Variants in MTRF1 observed in about 807,000 individuals in gnomAD.
MTRF1 encodes the protein peptide chain release factor 1, mitochondrial.
Under a neutral mutation model 62.9 loss-of-function variants are expected in MTRF1, and 51 were observed. That is an observed-to-expected ratio of 0.81 (90% CI 0.65 to 1.02). The LOEUF (loss-of-function observed/expected upper bound fraction) is 1.02. Ranked by LOEUF, MTRF1 falls within the 50% of genes least tolerant of loss-of-function variation. The probability of loss-of-function intolerance (pLI) is 0.00; values close to 1 mark genes in which losing one functional copy is unlikely to be tolerated. For missense variants in MTRF1, 446 were observed against 530.0 expected (o/e 0.84, Z 1.56); for synonymous variants, 158 against 181.9 (o/e 0.87, Z 1.06).
the MTRF1 span, among the ~76,000 whole-genome samples, chr13:41,284,389 A>T: frequency 6.6e-6 from 1 of 151,602 alleles, no homozygotes; most frequent in Non-Finnish European, 1.5e-5. Flanking sequence ...AGGCTCAGGC[A>T]GGAGAATCAC....
At chr13:41,266,308 C>T (rs1409782601), upstream of MTRF1, among the ~76,000 whole-genome samples, 1 of 152,058 alleles carries the variant, frequency 6.6e-6, no homozygotes, top group African/African-American at 2.4e-5. Context: ...CTATGCAGAA[C>T]AACTTAGACA....
chr13:41,260,579 T>C lies in MTRF1; in HGVS notation c.329A>G (p.His110Arg), dbSNP rs753374144. 1 of 1,614,202 alleles carries C rather than the reference T, an allele frequency of 6.2e-7. No homozygotes were observed. Among genetic ancestry groups the C allele is most frequent in the South Asian group, 1.1e-5 (1 of 91,076 alleles). ...GGCTGCAAGAGGTGCCAACTCAGCA[T>C]GCCTTCTGTTCAAGGACCTTCGGTT... ...EENRRSLNRR[H>R]AELAPLAAIY... Residue 110 changes from histidine (H) to arginine (R), a missense_variant, in exon 2 of 10, where the codon CAT (histidine) becomes CGT (arginine). His to Arg is a conservative substitution (Grantham distance 29). Transcript: ENST00000379480.
chr13:41,259,714 A>C (rs1399764684), intron 2 of MTRF1, among the ~76,000 whole-genome samples: 2 of 150,324 alleles, frequency 1.3e-5, no homozygotes, highest in Non-Finnish European at 3.0e-5. Flanking sequence ...AAAAAAAAAA[A>C]AAAAAAACAT....
the MTRF1 span, chr13:41,311,541 C>CTGA: frequency 6.2e-7 from 1 of 1,606,862 alleles, no homozygotes; most frequent in Non-Finnish European, 8.5e-7. Flanking sequence ...GCCGAACGTG[C>CTGA]TGCTGCCGCC....
rs1324402559 is a variant in MTRF1, at chr13:41,251,175, T to A, written c.697+1470A>T. Among the ~76,000 whole-genome samples, 6 of 152,264 alleles carry A rather than the reference T, an allele frequency of 3.9e-5. No individual in the cohort carries two copies. The East Asian group carries it at 1.2e-3, about 29-fold the overall frequency. On this transcript the variant is annotated intron_variant, in intron 5 of 9. Coordinates refer to ENST00000379480, the MANE Select transcript of MTRF1 (RefSeq NM_004294.4). ...ACAGCCCCTCTCACATCTAGTTACT[T>A]AGCAAATTATGCCTATTCATCCTTT...
At chr13:41,222,339 T>C (rs1355728177) in intron 9 of MTRF1, among the ~76,000 whole-genome samples, 1 of 152,226 alleles carries the variant, frequency 6.6e-6, no homozygotes, top group African/African-American at 2.4e-5. Flanking sequence ...TCAAACAATC[T>C]TGACCGAGTC....
chr13:41,305,453 AACAG>A, the MTRF1 span, among the ~76,000 whole-genome samples: 1 of 152,290 alleles, frequency 6.6e-6, no homozygotes, highest in African/African-American at 2.4e-5. Flanking sequence ...TAAACAAACA[AACAG>A]ACAAACAAAA....
intron 2 of MTRF1, among the ~76,000 whole-genome samples, chr13:41,258,575 C>CAAAAAAAAAAAAAAAAAA (rs11320576): frequency 7.5e-6 from 1 of 133,116 alleles, no homozygotes; most frequent in East Asian, 2.2e-4. Flanking sequence ...AAAAAAAAAA[C>CAAAAAAAAAAAAAAAAAA]AAAAAAAAAA....
At chr13:41,267,630 GA>G (rs2040855531), upstream of MTRF1, among the ~76,000 whole-genome samples, 1 of 152,140 alleles carries the variant, frequency 6.6e-6, no homozygotes, top group African/African-American at 2.4e-5. Flanking sequence ...GCACTTTAGG[GA>G]GCCAAGGTGG....
chr13:41,308,450 A>C, the MTRF1 span, among the ~76,000 whole-genome samples: 1 of 152,208 alleles, frequency 6.6e-6, no homozygotes, highest in Admixed American at 6.5e-5. Flanking sequence ...GACAATGTAG[A>C]TAAATTGGGA....
chr13:41,227,832 T>A (rs916646195), intron 7 of MTRF1, among the ~76,000 whole-genome samples: 2 of 152,230 alleles, frequency 1.3e-5, no homozygotes, highest in African/African-American at 4.8e-5. Context: ...ATACTTTTAG[T>A]AGGGCACTGA....
In MTRF1 at chr13:41,240,287, C is replaced by T; in HGVS notation, c.844G>A (p.Val282Ile). ...TCATCTGGCTGAGGAAGGACAATAA[C>T]CGACATCGTTCCTGTGTGAATGCGC... Reference protein sequence around the residue: ...MQRIHTGTMSVIVLPQPDEVD... With the variant: ...MQRIHTGTMSIIVLPQPDEVD... Residue 282 changes from valine to isoleucine, a missense_variant, in exon 6 of 10, where the codon GTT becomes ATT. Val to Ile is a conservative substitution (Grantham distance 29). Coordinates refer to ENST00000379480, the MANE Select transcript of MTRF1 (RefSeq NM_004294.4). 1 of 1,610,488 alleles carries T rather than the reference C, an allele frequency of 6.2e-7. No homozygotes were observed. The highest frequency in any genetic ancestry group is 1.7e-4 in the Middle Eastern group (1 of 6,052).
chr13:41,248,234 A>C (rs930553861), intron 5 of MTRF1, among the ~76,000 whole-genome samples: 1 of 152,060 alleles, frequency 6.6e-6, no homozygotes, highest in Non-Finnish European at 1.5e-5. Context: ...TGATTCTCCT[A>C]TCTCAGCCTC....
chr13:41,309,383 T>TGTGTGTGTGTGTGTGTGTGTGTG, the MTRF1 span, among the ~76,000 whole-genome samples: 5 of 144,810 alleles, frequency 3.5e-5, no homozygotes, highest in Non-Finnish European at 6.2e-5. Context: ...TGTGTGTGTG[T>TGTGTGTGTGTGTGTGTGTGTGTG]TTGCCATGTT....
chr13:41,281,946 C>G, the MTRF1 span, among the ~76,000 whole-genome samples: 1 of 151,874 alleles, frequency 6.6e-6, no homozygotes, highest in Non-Finnish European at 1.5e-5. Context: ...ACCATCCTGG[C>G]TAACATGGTG....
the MTRF1 span, among the ~76,000 whole-genome samples, chr13:41,272,406 T>A: frequency 8.5e-5 from 13 of 152,316 alleles, no homozygotes; most frequent in African/African-American, 3.1e-4. Context: ...AGTGCATGAT[T>A]TTTTGGTTTT....
At chr13:41,304,874 C>T in the MTRF1 span, among the ~76,000 whole-genome samples, 1 of 152,142 alleles carries the variant, frequency 6.6e-6, no homozygotes, top group African/African-American at 2.4e-5. Flanking sequence ...AGCAAATGGC[C>T]CATTGGCTCT....
chr13:41,287,981 C>A, the MTRF1 span: 2 of 383,830 alleles, frequency 5.2e-6, no homozygotes, highest in East Asian at 7.0e-5. Flanking sequence ...GTTTACTTCC[C>A]ACAAGAATGA....
At chr13:41,263,311 T>A in intron 1 of MTRF1, 174 bp downstream of exon 1, 1 of 1,289,224 alleles carries the variant, frequency 7.8e-7, no homozygotes, top group Non-Finnish European at 1.0e-6. Flanking sequence ...CCCATCACAG[T>A]AACAGTATTA....
Sources: gnomAD v4.1 joint callset for allele counts (sites outside exome capture counted in the v4.1 genomes callset) on GRCh38, gnomAD v4.1.1 for gene constraint, MANE v1.5 for transcripts, NCBI Gene and HGNC (gene_info 2026-07-23, HGNC 2026-07-21) for gene names.